The following DMRT1 variants were observed in gnomAD, a reference collection of about 807,000 sequenced individuals.
DMRT1 encodes the protein doublesex- and mab-3-related transcription factor 1.
In DMRT1, 7 loss-of-function variants were observed where a neutral mutation model predicts 32.3. That is an observed-to-expected ratio of 0.22 (90% CI 0.12 to 0.41). The LOEUF (loss-of-function observed/expected upper bound fraction) is 0.41, where lower values mean the gene tolerates loss of function less well. DMRT1 is among the 10% of genes least tolerant of loss of function. The pLI is 1.00. For missense variants in DMRT1, 625 were observed against 500.5 expected (o/e 1.25, Z -2.37); for synonymous variants, 278 against 206.1 (o/e 1.35, Z -2.99).
chr9:948,182 T>C (rs1199050678), intron 4 of DMRT1, among the ~76,000 whole-genome samples: 3 of 152,226 alleles, frequency 2.0e-5, no homozygotes, highest in Non-Finnish European at 4.4e-5. Context: ...GCTTGAGGCC[T>C]GTGGGGTGGA....
chr9:850,487 A>T (rs1397213252), intron 2 of DMRT1, among the ~76,000 whole-genome samples: 1 of 152,220 alleles, frequency 6.6e-6, no homozygotes, highest in Admixed American at 6.5e-5. Flanking sequence ...GTAAACATGT[A>T]TAGTGGAGTA....
intron 4 of DMRT1, among the ~76,000 whole-genome samples, chr9:955,937 C>A (rs764247697): frequency 1.3e-5 from 2 of 152,188 alleles, no homozygotes; most frequent in Non-Finnish European, 2.9e-5. Flanking sequence ...TGGGTAAATA[C>A]CCCAAAGAAT....
intron 2 of DMRT1, among the ~76,000 whole-genome samples, chr9:869,979 G>A (rs572527421): frequency 1.3e-5 from 2 of 152,228 alleles, no homozygotes; most frequent in Admixed American, 6.5e-5. Context: ...GTAAAAATAC[G>A]GCCCTGGAGA....
At chr9:891,963 GCTGGGTGCCTTCTT>G (rs2132648650) in intron 2 of DMRT1, among the ~76,000 whole-genome samples, 1 of 152,326 alleles carries the variant, frequency 6.6e-6, no homozygotes, top group East Asian at 1.9e-4. Context: ...GTGCCCGGAG[GCTGGGTGCCTTCTT>G]GCTGGATCTC....
chr9:853,406 TAACATTTTA>T (rs1333970409), intron 2 of DMRT1, among the ~76,000 whole-genome samples: 1 of 152,134 alleles, frequency 6.6e-6, no homozygotes, highest in Non-Finnish European at 1.5e-5. Context: ...AAATTTAAGA[TAACATTTTA>T]AACATTTTAG....
intron 1 of DMRT1, among the ~76,000 whole-genome samples, chr9:846,654 C>T (rs1222548136): frequency 6.6e-6 from 1 of 152,186 alleles, no homozygotes; most frequent in Admixed American, 6.5e-5. Context: ...GATTATAGCC[C>T]ACCGTAGCCT....
chr9:967,625 A>T (rs1367835467), intron 4 of DMRT1, among the ~76,000 whole-genome samples: 1 of 152,170 alleles, frequency 6.6e-6, no homozygotes, highest in Non-Finnish European at 1.5e-5. Flanking sequence ...GGATCACTTG[A>T]CAAGTTTCAT....
intron 1 of DMRT1, 42 bp from the exon 2 acceptor site, chr9:846,918 T>TTG: frequency 1.2e-6 from 2 of 1,613,186 alleles, no homozygotes; most frequent in South Asian, 2.2e-5. Context: ...GCAAAGCTGA[T>TTG]TCTGGAGTGC....
chr9:861,946 C>T (rs1388384781), intron 2 of DMRT1, among the ~76,000 whole-genome samples: 1 of 150,004 alleles, frequency 6.7e-6, no homozygotes, highest in Admixed American at 6.6e-5. Context: ...AGATGATGGG[C>T]GGGCGGGCAG....
chr9:844,062 T>G (rs1838802235), intron 1 of DMRT1, among the ~76,000 whole-genome samples: 1 of 152,206 alleles, frequency 6.6e-6, no homozygotes. Context: ...GCTTATTTAG[T>G]GTGGAGAACA....
intron 2 of DMRT1, among the ~76,000 whole-genome samples, chr9:850,858 A>G (rs7039180): frequency 0.71 from 107,894 of 151,158 alleles, 39,150 homozygotes; most frequent in Middle Eastern, 0.8. Context: ...GCGAAACCCC[A>G]TCTCTACTGA....
chr9:890,072 C>T (rs1013681822), intron 2 of DMRT1, among the ~76,000 whole-genome samples: 10 of 148,376 alleles, frequency 6.7e-5, no homozygotes, highest in Admixed American at 2.0e-4. Context: ...CACCACTTAA[C>T]GCCACCAAAC....
At chr9:928,512 G>T (rs1216295579) in intron 4 of DMRT1, among the ~76,000 whole-genome samples, 1 of 152,108 alleles carries the variant, frequency 6.6e-6, no homozygotes, top group Non-Finnish European at 1.5e-5. Context: ...GATTAACTCG[G>T]CCAGGTCTGA....
Position 968,186 on chromosome 9 carries a change from T to C in DMRT1, c.*47T>C, listed in dbSNP as rs1052071369. Reference sequence around the variant, plus strand: ...GGTTCACTTGGAGTAACAGGCTTATTCCACTTTCCATGGGGTTTGTTAATA... The same window carrying C: ...GGTTCACTTGGAGTAACAGGCTTATCCCACTTTCCATGGGGTTTGTTAATA... On this transcript the variant is annotated 3_prime_UTR_variant, in exon 5 of 5. Transcript: ENST00000382276. 6.2e-6 allele frequency: 10 copies of C among 1,609,166 alleles called. No homozygotes were observed. The highest frequency in any genetic ancestry group is 8.5e-6 in the Non-Finnish European group (10 of 1,177,668).
chr9:924,286 G>T (rs912487967), intron 4 of DMRT1, among the ~76,000 whole-genome samples: 3 of 152,030 alleles, frequency 2.0e-5, no homozygotes, highest in Non-Finnish European at 4.4e-5. Flanking sequence ...CAGCCAGGCT[G>T]GTCTCGAACT....
Position 841,797 on chromosome 9 carries a change from G to C in DMRT1, c.-42G>C, listed in dbSNP as rs898549353. The C allele has an allele frequency of 2.5e-6, 4 of 1,577,474 alleles. No individual in the cohort carries two copies. The highest frequency in any genetic ancestry group is 3.4e-6 in the Non-Finnish European group (4 of 1,162,172). ...TCATCCCTCGCAGCAGTCTCCAGGC[G>C]AGAGAGGGGGCCAGAGTGCTCGCAC... On this transcript the variant is annotated 5_prime_UTR_variant, in exon 1 of 5. Coordinates refer to ENST00000382276, the MANE Select transcript of DMRT1 (RefSeq NM_021951.3).
chr9:962,371 G>A (rs962544127), intron 4 of DMRT1, among the ~76,000 whole-genome samples: 1 of 152,142 alleles, frequency 6.6e-6, no homozygotes, highest in Non-Finnish European at 1.5e-5. Flanking sequence ...TGAGGAGTGA[G>A]GGGAGAGGAG....
At chr9:966,305 C>T (rs72701073) in intron 4 of DMRT1, among the ~76,000 whole-genome samples, 2,516 of 152,086 alleles carry the variant, frequency 0.017, 35 homozygotes, top group Middle Eastern at 0.048. Flanking sequence ...TATGCATATG[C>T]GTGCTTTTTT....
chr9:935,383 A>C lies in DMRT1; in HGVS notation c.967+18476A>C, dbSNP rs367679447. Among the ~76,000 whole-genome samples, 11 of 152,330 alleles carry C rather than the reference A, an allele frequency of 7.2e-5. 1 individual carries two copies. Among genetic ancestry groups the C allele is most frequent in the African/African-American group, 2.6e-4 (11 of 41,582 alleles). On this transcript the variant is annotated intron_variant, in intron 4 of 4. Transcript: ENST00000382276. ...TCAATCACCTCTTAATGTTTACAAA[A>C]GTGAAAAGTCAATGTGTAGTTGTTT...
Sources: gnomAD v4.1 joint callset for allele counts (sites outside exome capture counted in the v4.1 genomes callset) on GRCh38, gnomAD v4.1.1 for gene constraint, MANE v1.5 for transcripts, NCBI Gene and HGNC (gene_info 2026-07-23, HGNC 2026-07-21) for gene names.